Variants in ABHD6 observed in about 807,000 individuals in gnomAD.
ABHD6 encodes the protein abhydrolase domain containing 6, acylglycerol lipase, also known as monoacylglycerol lipase ABHD6.
A neutral mutation model predicts 38.8 loss-of-function variants in ABHD6; 33 were observed. The ratio of observed to expected loss-of-function variants is 0.85; its 90% CI spans 0.64 to 1.14. The LOEUF (loss-of-function observed/expected upper bound fraction) is 1.14. Ranked by LOEUF, ABHD6 falls within the 50% of genes most tolerant of loss-of-function variation. ABHD6 has a pLI of 0.00. For missense variants in ABHD6, 380 were observed against 422.6 expected (o/e 0.90, Z 0.88); for synonymous variants, 147 against 161.6 (o/e 0.91, Z 0.69).
At chr3:58,240,182 T>C (rs2107407671) in intron 1 of ABHD6, among the ~76,000 whole-genome samples, 2 of 151,886 alleles carry the variant, frequency 1.3e-5, no homozygotes, top group Admixed American at 1.3e-4. Flanking sequence ...AAAGAATGAG[T>C]GTTTATCCTA....
At chr3:58,280,930 G>A (rs2097452697) in intron 7 of ABHD6, among the ~76,000 whole-genome samples, 2 of 152,206 alleles carry the variant, frequency 1.3e-5, no homozygotes, top group Non-Finnish European at 2.9e-5. Flanking sequence ...GGAGTCTGCA[G>A]AACAGCAAAT....
At position 58,245,206 on chromosome 3, in the gene ABHD6, C is replaced by G. The variant is rs369893561; in HGVS notation, c.-90-4672C>G. On this transcript the variant is annotated intron_variant, in intron 1 of 9. Transcript: ENST00000478253. ...TTGAGACGGAGTCTCGCTCTGTCAC[C>G]CAGGCTGGAGTGCAATGGCTCGATC... Among the ~76,000 whole-genome samples the G allele has an allele frequency of 2.3e-4, 35 of 152,294 alleles. No individual in the cohort carries two copies. In the East Asian group the frequency reaches 6.8e-3, roughly 29 times the overall value.
At chr3:58,278,088 A>G (rs2097450043) in intron 7 of ABHD6, among the ~76,000 whole-genome samples, 1 of 152,210 alleles carries the variant, frequency 6.6e-6, no homozygotes. Context: ...TGTCTCTGCC[A>G]GGCTTTGGCA....
At chr3:58,240,977 G>A (rs1415734761) in intron 1 of ABHD6, among the ~76,000 whole-genome samples, 2 of 151,988 alleles carry the variant, frequency 1.3e-5, no homozygotes, top group East Asian at 1.9e-4. Context: ...TGATCTGCCC[G>A]CCTCTACCTC....
intron 3 of ABHD6, among the ~76,000 whole-genome samples, chr3:58,258,079 A>T (rs187142703): frequency 1.2e-4 from 18 of 152,298 alleles, no homozygotes; most frequent in African/African-American, 3.9e-4. Flanking sequence ...AGGCCGAGGC[A>T]GGCAGATCAC....
intron 5 of ABHD6, among the ~76,000 whole-genome samples, chr3:58,270,102 T>G (rs1446548971): frequency 6.6e-6 from 1 of 152,194 alleles, no homozygotes; most frequent in Non-Finnish European, 1.5e-5. Flanking sequence ...TGAATATTTT[T>G]TAGAATGCTG....
At position 58,267,399 on chromosome 3, in the gene ABHD6, T is replaced by C; in HGVS notation, c.276+54T>C. On this transcript the variant is annotated intron_variant, in intron 4 of 9. Coordinates refer to ENST00000478253, the MANE Select transcript of ABHD6 (RefSeq NM_001320126.2). The surrounding 1 kb of genome is among the most constrained non-coding windows in gnomAD (Gnocchi z 4.3). Reference sequence around the variant, plus strand: ...AGAAAAGGGAGTTGGGTGCTGTGGCTCATGCCTATAATCCCAGCACTTTGG... The same window carrying C: ...AGAAAAGGGAGTTGGGTGCTGTGGCCCATGCCTATAATCCCAGCACTTTGG... The C allele has an allele frequency of 6.2e-7, 1 of 1,601,808 alleles. No homozygotes were observed. The highest frequency in any genetic ancestry group is 8.5e-7 in the Non-Finnish European group (1 of 1,172,760).
At position 58,263,041 on chromosome 3, in the gene ABHD6, C is replaced by T. The variant is rs1363632492; in HGVS notation, c.120-4148C>T. On this transcript the variant is annotated intron_variant, in intron 3 of 9. Coordinates refer to ENST00000478253, the MANE Select transcript of ABHD6 (RefSeq NM_001320126.2). The surrounding 1 kb of genome is among the most constrained non-coding windows in gnomAD (Gnocchi z 4.9). ...TGGCCAACATGGTGAAACCCCATCTCTACTACAAATACGAAAATTAGCCAG... is the reference window on the plus strand; with the variant it reads ...TGGCCAACATGGTGAAACCCCATCTTTACTACAAATACGAAAATTAGCCAG... 1.3e-5 allele frequency among the ~76,000 whole-genome samples: 2 copies of T among 152,196 alleles called. No individual in the cohort carries two copies. The highest frequency in any genetic ancestry group is 2.4e-5 in the African/African-American group (1 of 41,450).
At chr3:58,245,728 T>A (rs2097425914) in intron 1 of ABHD6, among the ~76,000 whole-genome samples, 1 of 151,418 alleles carries the variant, frequency 6.6e-6, no homozygotes, top group African/African-American at 2.4e-5. Context: ...TGCAGTGAAC[T>A]GAGATCGTGC....
At chr3:58,243,261 A>G (rs946889761) in intron 1 of ABHD6, among the ~76,000 whole-genome samples, 2 of 152,212 alleles carry the variant, frequency 1.3e-5, no homozygotes, top group Admixed American at 6.5e-5. Flanking sequence ...TGGGTCAAAT[A>G]GTATTTCTAG....
Position 58,258,241 on chromosome 3 carries a change from A to G in ABHD6, c.119+1536A>G, listed in dbSNP as rs75499962. ...AGAATCGCCTGATCCTGGGAGGTGG[A>G]GGTTGCGGTGAGCTGAGATCGCGCC... On this transcript the variant is annotated intron_variant, in intron 3 of 9. Transcript: ENST00000478253. 2.2e-3 allele frequency among the ~76,000 whole-genome samples: 330 copies of G among 152,270 alleles called. 16 individuals carry two copies. In the East Asian group the frequency reaches 0.057, roughly 26 times the overall value.
chr3:58,240,667 C>G (rs2097422141), intron 1 of ABHD6, among the ~76,000 whole-genome samples: 1 of 151,476 alleles, frequency 6.6e-6, no homozygotes, highest in Non-Finnish European at 1.5e-5. Flanking sequence ...TGGGCTCAAG[C>G]AATCCTGCTA....
At chr3:58,258,722 C>G (rs910417460) in intron 3 of ABHD6, 8 of 153,874 alleles carry the variant, frequency 5.2e-5, no homozygotes, top group Admixed American at 5.2e-4. Flanking sequence ...TATCTGCCCT[C>G]CTTTCTGGCT....
intron 1 of ABHD6, among the ~76,000 whole-genome samples, chr3:58,241,022 G>A (rs1336535807): frequency 1.3e-5 from 2 of 152,038 alleles, no homozygotes; most frequent in Non-Finnish European, 2.9e-5. Context: ...GAGCCACCGC[G>A]CCCGGCCAAA....
chr3:58,280,988 C>A (rs769323480), intron 7 of ABHD6, among the ~76,000 whole-genome samples: 1 of 152,110 alleles, frequency 6.6e-6, no homozygotes, highest in Admixed American at 6.6e-5. Context: ...GAGGGGCACC[C>A]GGCCGTATGA....
intron 1 of ABHD6, among the ~76,000 whole-genome samples, chr3:58,239,120 C>T (rs2097421083): frequency 6.6e-6 from 1 of 151,854 alleles, no homozygotes; most frequent in South Asian, 2.1e-4. Flanking sequence ...TTCCCCCAAC[C>T]GCCCCCCCAA....
intron 1 of ABHD6, among the ~76,000 whole-genome samples, chr3:58,243,406 G>T (rs1292903049): frequency 6.6e-6 from 1 of 152,178 alleles, no homozygotes; most frequent in East Asian, 1.9e-4. Context: ...ACCAAATACT[G>T]TGGGGCATGG....
At position 58,293,762 on chromosome 3, in the gene ABHD6, C is replaced by T; in HGVS notation, c.1011C>T (p.Asp337=). The stretch of plus-strand genomic sequence containing the variant: ...ACACAGACAACAACAAGAAGCTGGA[C>T]TGAGGCCCCGACTGCAGCCTGCATT... The part of the protein sequence containing the change: ...VHNTDNNKKL[D] Residue 337 remains aspartate, a synonymous_variant, in exon 10 of 10, where the codon GAC becomes GAT. Transcript: ENST00000478253. The surrounding 1 kb of genome is among the most constrained non-coding windows in gnomAD (Gnocchi z 4.4). The T allele has an allele frequency of 1.9e-6, 3 of 1,613,800 alleles. No individual in the cohort carries two copies. Among genetic ancestry groups the T allele is most frequent in the Non-Finnish European group, 2.5e-6 (3 of 1,179,782 alleles).
chr3:58,240,089 C>T (rs953513710), intron 1 of ABHD6, among the ~76,000 whole-genome samples: 1 of 151,540 alleles, frequency 6.6e-6, no homozygotes, highest in Non-Finnish European at 1.5e-5. Context: ...GAGGTCAAGG[C>T]TGCAGTGAGC....
Sources: gnomAD v4.1 joint callset for allele counts (sites outside exome capture counted in the v4.1 genomes callset) on GRCh38, gnomAD v4.1.1 for gene constraint, Gnocchi (gnomAD v3.1) non-coding constraint, MANE v1.5 for transcripts, NCBI Gene and HGNC (gene_info 2026-07-23, HGNC 2026-07-21) for gene names.